The following NALCN variants were observed in gnomAD, a reference collection of about 807,000 sequenced individuals.
NALCN encodes the protein sodium leak channel NALCN.
NALCN carries 111 observed loss-of-function variants against 225.3 expected under a neutral mutation model. That is an observed-to-expected ratio of 0.49 (90% confidence interval 0.42 to 0.58). NALCN has a LOEUF of 0.58. NALCN is among the 20% of genes least tolerant of loss of function. NALCN has a pLI of 0.00. For missense variants in NALCN, 1,378 were observed against 2,202.4 expected (o/e 0.63, Z 7.49); for synonymous variants, 764 against 769.0 (o/e 0.99, Z 0.11).
At chr13:101,360,936 T>C (rs2046234775) in intron 6 of NALCN, among the ~76,000 whole-genome samples, 3 of 152,176 alleles carry the variant, frequency 2.0e-5, no homozygotes, top group African/African-American at 7.2e-5. Flanking sequence ...GTCTATTTTT[T>C]TAAAAAGCCA....
intron 1 of NALCN, 69 bp from the exon 2 acceptor site, chr13:101,399,234 C>T (rs1038821487): frequency 1.9e-6 from 2 of 1,053,522 alleles, no homozygotes; most frequent in Non-Finnish European, 2.8e-6. Flanking sequence ...GAGTTCCCCA[C>T]ATATATCTAC....
At position 101,055,509 on chromosome 13, in the gene NALCN, A is replaced by G. The variant is rs754359069; in HGVS notation, c.5024-21T>C. On this transcript the variant is annotated intron_variant, in intron 43 of 43. Transcript: ENST00000251127. ...TGGGGCTGTGGAATTAATGAGTCCT[A>G]TGAGCCACTTGGTATTGCTTCACCC... 19 of 1,606,704 alleles carry G rather than the reference A, an allele frequency of 1.2e-5. No homozygotes were observed. The Middle Eastern group carries it at 8.4e-4, about 71-fold the overall frequency.
At chr13:101,323,755 A>G (rs2044839616) in intron 7 of NALCN, among the ~76,000 whole-genome samples, 1 of 152,236 alleles carries the variant, frequency 6.6e-6, no homozygotes, top group Non-Finnish European at 1.5e-5. Flanking sequence ...CCATGCATTC[A>G]GGATAAGACA....
intron 7 of NALCN, among the ~76,000 whole-genome samples, chr13:101,335,802 C>A (rs138931403): frequency 2.1e-4 from 32 of 150,946 alleles, no homozygotes; most frequent in Admixed American, 5.9e-4. Context: ...TAAAAATATA[C>A]GTTCTGTAAT....
intron 9 of NALCN, among the ~76,000 whole-genome samples, chr13:101,288,938 G>T (rs2043442670): frequency 6.6e-6 from 1 of 152,178 alleles, no homozygotes; most frequent in South Asian, 2.1e-4. Context: ...CTCATAACAG[G>T]TATCTGAAGT....
chr13:101,135,539 T>C (rs1174243781), intron 17 of NALCN, among the ~76,000 whole-genome samples: 2 of 152,164 alleles, frequency 1.3e-5, no homozygotes, highest in Admixed American at 6.5e-5. Flanking sequence ...GCTGGGACTA[T>C]AGTTGTGTGC....
At chr13:101,219,518 T>G (rs12877425) in intron 13 of NALCN, among the ~76,000 whole-genome samples, 257 of 152,284 alleles carry the variant, frequency 1.7e-3, no homozygotes, top group Non-Finnish European at 3.2e-3. Context: ...GGGATCTTCT[T>G]AGACAAATGC....
intron 6 of NALCN, chr13:101,373,148 C>A: frequency 3.4e-6 from 1 of 294,898 alleles, no homozygotes; most frequent in South Asian, 3.0e-5. Flanking sequence ...ATAACAACTC[C>A]ATAGCTCTGT....
At chr13:101,071,390 T>G (rs2032874457) in intron 37 of NALCN, among the ~76,000 whole-genome samples, 1 of 152,230 alleles carries the variant, frequency 6.6e-6, no homozygotes, top group African/African-American at 2.4e-5. Context: ...TTGTTTAGTG[T>G]AGCCACCTTA....
intron 3 of NALCN, among the ~76,000 whole-genome samples, chr13:101,391,889 C>A (rs191954811): frequency 2.1e-4 from 32 of 150,028 alleles, no homozygotes; most frequent in African/African-American, 7.7e-4. Flanking sequence ...GAGGCTAAGG[C>A]AGGAGAATCG....
At chr13:101,173,538 T>C (rs981788537) in intron 15 of NALCN, among the ~76,000 whole-genome samples, 7 of 152,136 alleles carry the variant, frequency 4.6e-5, no homozygotes, top group Non-Finnish European at 8.8e-5. Flanking sequence ...TGGGTCGTTT[T>C]GAAAAATAAG....
At chr13:101,153,127 G>A (rs1485342971) in intron 15 of NALCN, among the ~76,000 whole-genome samples, 1 of 151,934 alleles carries the variant, frequency 6.6e-6, no homozygotes, top group Non-Finnish European at 1.5e-5. Flanking sequence ...AAGAAGACAT[G>A]GATTTAAACT....
chr13:101,398,737 C>G (rs1195673999), intron 2 of NALCN, among the ~76,000 whole-genome samples: 4 of 152,110 alleles, frequency 2.6e-5, no homozygotes, highest in Admixed American at 2.6e-4. Flanking sequence ...TTGGATCAGC[C>G]TAAGAAGTGG....
At chr13:101,084,243 T>A (rs991804834) in intron 30 of NALCN, among the ~76,000 whole-genome samples, 1 of 152,216 alleles carries the variant, frequency 6.6e-6, no homozygotes, top group African/African-American at 2.4e-5. Context: ...ATTGCAAAAC[T>A]GTTTTTGAGA....
intron 30 of NALCN, among the ~76,000 whole-genome samples, chr13:101,088,281 C>T (rs780477998): frequency 2.6e-5 from 4 of 152,128 alleles, no homozygotes; most frequent in South Asian, 2.1e-4. Flanking sequence ...GTACCACTCA[C>T]GTTGAGCCTG....
At chr13:101,137,454 T>C (rs1032169815) in intron 17 of NALCN, among the ~76,000 whole-genome samples, 2 of 152,162 alleles carry the variant, frequency 1.3e-5, no homozygotes, top group Non-Finnish European at 2.9e-5. Flanking sequence ...AGTAACTTGC[T>C]ATGTGAGGAG....
chr13:101,069,923 T>TTTC (rs2032724825), intron 37 of NALCN, among the ~76,000 whole-genome samples: 1 of 152,198 alleles, frequency 6.6e-6, no homozygotes. Context: ...TCTCTTGCTA[T>TTTC]TTCTACCAAC....
chr13:101,248,449 A>G lies in NALCN; in HGVS notation c.1266+9994T>C, dbSNP rs536835012. Among the ~76,000 whole-genome samples the G allele has an allele frequency of 2.3e-3, 346 of 152,252 alleles. 1 individual carries two copies. The highest frequency in any genetic ancestry group is 7.7e-3 in the African/African-American group (321 of 41,538). ...GCCTCTACATCCTTGGAATTTGCCA[A>G]TTGATAGGTATCTTTGTTATTTATG... On this transcript the variant is annotated intron_variant, in intron 11 of 43. Transcript: ENST00000251127.
At chr13:101,124,813 A>G in intron 17 of NALCN, 132 bp from the exon 18 acceptor site, 1 of 835,890 alleles carries the variant, frequency 1.2e-6, no homozygotes, top group South Asian at 1.7e-5. Context: ...CGTACAATTG[A>G]CAATTCTTGT....
Sources: allele counts gnomAD v4.1 joint callset (sites outside exome capture counted in the v4.1 genomes callset), GRCh38; gene constraint gnomAD v4.1.1; transcripts MANE v1.5; gene names NCBI Gene and HGNC (gene_info 2026-07-23, HGNC 2026-07-21).